Variants in PRDM2 observed in about 807,000 individuals in gnomAD.
PRDM2 encodes PR domain zinc finger protein 2.
In PRDM2, 30 loss-of-function variants were observed where a neutral mutation model predicts 130.0. The ratio of observed to expected loss-of-function variants is 0.23; its 90% CI spans 0.17 to 0.31. The LOEUF (loss-of-function observed/expected upper bound fraction) is 0.31. Ranked by LOEUF, PRDM2 falls within the 10% of genes least tolerant of loss-of-function variation. PRDM2 has a pLI of 1.00. For missense variants in PRDM2, 2,011 were observed against 2,108.4 expected, an observed-to-expected ratio of 0.95 and a Z score of 0.90; for synonymous variants, 871 against 782.4, an observed-to-expected ratio of 1.11 and a Z score of -1.89.
At chr1:13,701,680 C>T (rs1319571546) in intron 1 of PRDM2, among the ~76,000 whole-genome samples, 4 of 152,122 alleles carry the variant, frequency 2.6e-5, no homozygotes, top group Non-Finnish European at 1.5e-5. Flanking sequence ...TATTAAACCC[C>T]CTCATTTCGA....
chr1:13,783,071 T>A (rs1644655001), intron 8 of PRDM2: 1 of 916,026 alleles, frequency 1.1e-6, no homozygotes, highest in Non-Finnish European at 1.6e-6. Context: ...TGGCCAGATG[T>A]AAATTGAATT....
intron 6 of PRDM2, among the ~76,000 whole-genome samples, chr1:13,765,156 T>G (rs1240193558): frequency 6.6e-6 from 1 of 152,230 alleles, no homozygotes; most frequent in Non-Finnish European, 1.5e-5. Flanking sequence ...CTGAAAGCAT[T>G]TCTGGTTGAG....
At chr1:13,769,139 G>T in intron 6 of PRDM2, 1 of 985,674 alleles carries the variant, frequency 1.0e-6, no homozygotes, top group African/African-American at 1.7e-5. Context: ...CAGCCAGCTG[G>T]CAGTAGCGCC....
intron 8 of PRDM2, among the ~76,000 whole-genome samples, chr1:13,791,574 A>G (rs1485259296): frequency 1.3e-5 from 2 of 152,204 alleles, no homozygotes; most frequent in African/African-American, 4.8e-5. Flanking sequence ...TTCAGCAAAT[A>G]GTGTGTTTGT....
Position 13,780,260 on chromosome 1 carries a change from A to C in PRDM2, c.2465A>C (p.Gln822Pro), listed in dbSNP as rs756401427. Residue 822 changes from glutamine to proline, a missense_variant, in exon 8 of 10, where the codon CAG (glutamine) becomes CCG (proline). Gln to Pro is a moderately conservative substitution (Grantham distance 76). Coordinates refer to ENST00000311066, the MANE Select transcript of PRDM2 (RefSeq NM_001393986.1). ...GCTTTTAGCAGTGTGTGCAACCAGC[A>C]GCCACTGGATTTATCCAGCGGTGTC... Reference protein sequence around the residue: ...SSAFSSVCNQQPLDLSSGVKQ... With the variant: ...SSAFSSVCNQPPLDLSSGVKQ... 1 of 1,613,900 alleles carries C rather than the reference A, an allele frequency of 6.2e-7. No individual in the cohort carries two copies. The highest frequency in any genetic ancestry group is 1.1e-5 in the South Asian group (1 of 91,038).
At chr1:13,818,545 A>T (rs1459865861) in intron 9 of PRDM2, among the ~76,000 whole-genome samples, 1 of 143,570 alleles carries the variant, frequency 7.0e-6, no homozygotes, top group African/African-American at 2.6e-5. Flanking sequence ...CTCCTGGCTA[A>T]TTTTTTTTTT....
chr1:13,816,523 C>T lies in PRDM2; in HGVS notation c.5133C>T (p.Phe1711=), dbSNP rs1195068055. 2 of 1,614,168 alleles carry T rather than the reference C, an allele frequency of 1.2e-6. No homozygotes were observed. The highest frequency in any genetic ancestry group is 1.3e-5 in the African/African-American group (1 of 75,056). ...RKVKAPAAAQ[F]QGPFFKE ...TCAAAGCTCCAGCTGCAGCCCAGTT[C>T]CAGGGACCATTCTTCAAAGAGTAGA... The change falls in exon 9 of 10, where the codon TTC becomes TTT. Residue 1711 remains phenylalanine, a synonymous_variant. Transcript: ENST00000311066.
chr1:13,739,481 G>A (rs577577842), intron 4 of PRDM2, among the ~76,000 whole-genome samples: 188 of 152,246 alleles, frequency 1.2e-3, no homozygotes, highest in Non-Finnish European at 2.0e-3. Context: ...AAATTTTCAA[G>A]TATATAGGTA....
At chr1:13,739,140 G>A (rs960955138) in intron 4 of PRDM2, among the ~76,000 whole-genome samples, 5 of 151,026 alleles carry the variant, frequency 3.3e-5, no homozygotes, top group South Asian at 2.1e-4. Context: ...TCTGCCTCCC[G>A]TGTTCACGCC....
At chr1:13,738,277 C>T (rs1007104558) in intron 4 of PRDM2, among the ~76,000 whole-genome samples, 7 of 152,088 alleles carry the variant, frequency 4.6e-5, no homozygotes, top group East Asian at 1.9e-4. Flanking sequence ...TGAGAATCTC[C>T]CCCGAAAGTA....
chr1:13,779,309 T>G lies in PRDM2; in HGVS notation c.1514T>G (p.Val505Gly). 1 of 1,613,990 alleles carries G rather than the reference T, an allele frequency of 6.2e-7. No individual in the cohort carries two copies. Among genetic ancestry groups the G allele is most frequent in the Non-Finnish European group, 8.5e-7 (1 of 1,179,956 alleles). ...AATATGAGACGGCATCAGCGTAGAG[T>G]TCACGAACGTCATCTGATTCCCAAA... is the stretch of plus-strand genomic sequence containing the variant. The part of the protein sequence containing the change: ...HTNMRRHQRR[V>G]HERHLIPKGV... Residue 505 changes from valine (V) to glycine (G), a missense_variant, in exon 8 of 10, where the codon GTT becomes GGT. Around this residue, in one of 5 missense-constraint regions of PRDM2, gnomAD observed 1,288 missense variants for 1,237.7 expected, o/e 1.04. Coordinates refer to ENST00000311066, the MANE Select transcript of PRDM2 (RefSeq NM_001393986.1). This position sits in a 1 kb window ranked among gnomAD's most constrained non-coding sequence, Gnocchi z 4.9.
chr1:13,792,233 A>C (rs942803149), intron 8 of PRDM2, among the ~76,000 whole-genome samples: 2 of 152,336 alleles, frequency 1.3e-5, no homozygotes, highest in Admixed American at 1.3e-4. Flanking sequence ...TTAGCATTAA[A>C]TCTAAATGTA....
chr1:13,740,922 A>G (rs1487917335), intron 4 of PRDM2, among the ~76,000 whole-genome samples: 1 of 152,178 alleles, frequency 6.6e-6, no homozygotes, highest in Non-Finnish European at 1.5e-5. Context: ...TGCAGTAAAG[A>G]AAGGTGATTA....
chr1:13,798,273 G>A (rs1644953575), intron 8 of PRDM2, among the ~76,000 whole-genome samples: 1 of 152,206 alleles, frequency 6.6e-6, no homozygotes, highest in African/African-American at 2.4e-5. Flanking sequence ...CCTAACTCAT[G>A]ACCCTCTTGG....
intron 1 of PRDM2, among the ~76,000 whole-genome samples, chr1:13,711,594 A>G (rs534732181): frequency 6.6e-6 from 1 of 152,354 alleles, no homozygotes; most frequent in Non-Finnish European, 1.5e-5. Flanking sequence ...TCCTCTGTTG[A>G]GAGACTCCGC....
intron 6 of PRDM2, among the ~76,000 whole-genome samples, chr1:13,759,357 G>GC (rs1252356874): frequency 2.0e-5 from 3 of 152,136 alleles, no homozygotes; most frequent in African/African-American, 7.2e-5. Flanking sequence ...AAGTTGCAAT[G>GC]CCGTTTAGAA....
At chr1:13,822,261 C>T (rs6669610) in intron 9 of PRDM2, among the ~76,000 whole-genome samples, 12,946 of 152,146 alleles carry the variant, frequency 0.085, 651 homozygotes, top group African/African-American at 0.13. Flanking sequence ...CAAATGCATA[C>T]GTATTTGCAC....
At position 13,823,303 on chromosome 1, in the gene PRDM2, G is replaced by A. The variant is rs2100780094; in HGVS notation, c.*168G>A. On this transcript the variant is annotated 3_prime_UTR_variant, in exon 10 of 10. Transcript: ENST00000311066. ...CATGTGTGCGTGCGTGTGTGTTCACGTGTTCTCGTGCGGGCGCGTGAGTGG... is the reference window on the plus strand; with the variant it reads ...CATGTGTGCGTGCGTGTGTGTTCACATGTTCTCGTGCGGGCGCGTGAGTGG... The A allele has an allele frequency of 9.7e-6, 12 of 1,241,574 alleles. No individual in the cohort carries two copies. The highest frequency in any genetic ancestry group is 5.0e-5 in the East Asian group (2 of 39,660). The allele number at this position is 1,241,574 out of a possible 1,614,324, so 76.9% of individuals were successfully genotyped here.
chr1:13,815,416 G>A (rs965591841), intron 8 of PRDM2, among the ~76,000 whole-genome samples: 2 of 152,140 alleles, frequency 1.3e-5, no homozygotes, highest in Non-Finnish European at 2.9e-5. Flanking sequence ...CTGGCCGGAT[G>A]TTTATTTTTA....
Sources: allele counts gnomAD v4.1 joint callset (sites outside exome capture counted in the v4.1 genomes callset), GRCh38; gene constraint gnomAD v4.1.1; regional missense constraint gnomAD v4.1.1; non-coding constraint Gnocchi (gnomAD v3.1); transcripts MANE v1.5; gene names NCBI Gene and HGNC (gene_info 2026-07-23, HGNC 2026-07-21).